Variants in APEX1 observed in about 807,000 individuals in gnomAD.
APEX1 encodes the protein apurinic/apyrimidinic endodeoxyribonuclease 1, also known as DNA repair nuclease/redox regulator APEX1.
A neutral mutation model predicts 33.2 loss-of-function variants in APEX1; 32 were observed. The ratio of observed to expected loss-of-function variants is 0.96; its 90% CI spans 0.73 to 1.29. The LOEUF is 1.29. Ranked by LOEUF, APEX1 falls within the 50% of genes most tolerant of loss-of-function variation. APEX1 has a pLI of 0.00. For synonymous variants in APEX1, 175 were observed against 156.6 expected, an observed-to-expected ratio of 1.12 and a Z score of -0.88; for missense variants, 442 against 395.6, an observed-to-expected ratio of 1.12 and a Z score of -0.99.
rs919072781 is a variant in APEX1 at position 20,456,918 on chromosome 14, A to C, written c.439+58A>C. The C allele has an allele frequency of 2.0e-5, 32 of 1,603,694 alleles. 1 individual carries two copies. The South Asian group carries it at 2.3e-4, about 12-fold the overall frequency. ...CTTCAAAACCAATTGCTAATTCTCT[A>C]TCTCTGCCCCACCTCTTGATTGCTT... On this transcript the variant is annotated intron_variant, in intron 4 of 4. Coordinates refer to ENST00000216714, the MANE Select transcript of APEX1 (RefSeq NM_001641.4).
At chr14:20,456,273 C>T (rs1483807205) in intron 3 of APEX1, among the ~76,000 whole-genome samples, 172 bp downstream of exon 3, 3 of 152,198 alleles carry the variant, frequency 2.0e-5, no homozygotes, top group African/African-American at 4.8e-5. Context: ...TGTTCCTTCA[C>T]TTCCATTGCC....
chr14:20,456,115 G>C lies in APEX1; in HGVS notation c.246+14G>C, dbSNP rs199597660. 9 of 1,613,160 alleles carry C rather than the reference G, an allele frequency of 5.6e-6. No homozygotes were observed. The African/African-American group carries it at 6.7e-5, about 12-fold the overall frequency. On this transcript the variant is annotated intron_variant, in intron 3 of 4. Coordinates refer to ENST00000216714, the MANE Select transcript of APEX1 (RefSeq NM_001641.4). ...AAAGGATTAGATGTGAGTGGAATTT[G>C]AGGGAAAGAGACATTTTTTAGTATT...
chr14:20,457,634 G>T lies in APEX1; in HGVS notation c.*126G>T, dbSNP rs573714948. The T allele has an allele frequency of 6.6e-6, 9 of 1,366,862 alleles. No homozygotes were observed. Among genetic ancestry groups the T allele is most frequent in the Non-Finnish European group, 8.2e-6 (8 of 971,204 alleles). 84.7% of individuals were successfully genotyped at this position (1,366,862 alleles called of 1,614,324 possible). ...ATAAAACTAGGAATCCTCCAACCAG[G>T]CTCCTGTGATAGAGTTCTTTTAAGC... On this transcript the variant is annotated 3_prime_UTR_variant, in exon 5 of 5. Transcript: ENST00000216714.
Position 20,456,865 on chromosome 14 carries a change from G to T in APEX1, c.439+5G>T. 1 of 1,613,296 alleles carries T rather than the reference G, an allele frequency of 6.2e-7. No homozygotes were observed. Among genetic ancestry groups the T allele is most frequent in the South Asian group, 1.1e-5 (1 of 90,934 alleles). ...TCAAAGTTTCTTACGGCATAGGTGA[G>T]ACCCTATTGATGCCTAATGCCTGAA... On this transcript the variant is annotated splice_donor_5th_base_variant and intron_variant, in intron 4 of 4. Coordinates refer to ENST00000216714, the MANE Select transcript of APEX1 (RefSeq NM_001641.4).
At position 20,457,629 on chromosome 14, in the gene APEX1, A is replaced by C; in HGVS notation, c.*121A>C. ...CATGTATAAAACTAGGAATCCTCCA[A>C]CCAGGCTCCTGTGATAGAGTTCTTT... is the stretch of plus-strand genomic sequence containing the variant. On this transcript the variant is annotated 3_prime_UTR_variant, in exon 5 of 5. Coordinates refer to ENST00000216714, the MANE Select transcript of APEX1 (RefSeq NM_001641.4). The C allele has an allele frequency of 7.2e-7, 1 of 1,383,962 alleles. No individual in the cohort carries two copies. The allele number at this position is 1,383,962 out of a possible 1,614,324, so 85.7% of individuals were successfully genotyped here.
chr14:20,457,084 G>T lies in APEX1; in HGVS notation c.533G>T (p.Gly178Val). ...VTAYVPNAGR[G>V]LVRLEYRQRW... ...GCATATGTACCTAATGCAGGCCGAG[G>T]TCTGGTACGACTGGAGTACCGGCAG... Residue 178 changes from glycine (G) to valine (V), a missense_variant, in exon 5 of 5, where the codon GGT becomes GTT. Gly to Val is a moderately radical substitution (Grantham distance 109). Coordinates refer to ENST00000216714, the MANE Select transcript of APEX1 (RefSeq NM_001641.4). 1 of 1,614,220 alleles carries T rather than the reference G, an allele frequency of 6.2e-7. No homozygotes were observed. The highest frequency in any genetic ancestry group is 1.1e-5 in the South Asian group (1 of 91,086).
chr14:20,457,436 G>A lies in APEX1; in HGVS notation c.885G>A (p.Leu295=). The stretch of plus-strand genomic sequence containing the variant: ...TGTCCCACTCTCTGTTACCTGCATT[G>A]TGTGACAGCAAGATCCGTTCCAAGG... The part of the protein sequence containing the change: ...FLLSHSLLPA[L]CDSKIRSKAL... The change falls in exon 5 of 5, where the codon TTG becomes TTA. Residue 295 remains leucine, a synonymous_variant. Coordinates refer to ENST00000216714, the MANE Select transcript of APEX1 (RefSeq NM_001641.4). 5.6e-6 allele frequency: 9 copies of A among 1,614,160 alleles called. No homozygotes were observed. The highest frequency in any genetic ancestry group is 7.6e-6 in the Non-Finnish European group (9 of 1,180,032).
In APEX1 at chr14:20,456,999, G is replaced by C. The variant is rs376277634; in HGVS notation, c.448G>C (p.Glu150Gln). Residue 150 changes from glutamate (E) to glutamine (Q), a missense_variant, in exon 5 of 5, where the codon GAG becomes CAG. Physicochemically the swap from Glu to Gln is conservative, Grantham distance 29. Transcript: ENST00000216714. ...CTGTTTCATTTCTATAGGCGATGAG[G>C]AGCATGATCAGGAAGGCCGGGTGAT... ...LKVSYGIGDE[E>Q]HDQEGRVIVA... 3 of 1,613,832 alleles carry C rather than the reference G, an allele frequency of 1.9e-6. No homozygotes were observed. Among genetic ancestry groups the C allele is most frequent in the African/African-American group, 2.7e-5 (2 of 74,938 alleles).
In APEX1 at chr14:20,457,326, A is replaced by T; in HGVS notation, c.775A>T (p.Asn259Tyr). The T allele has an allele frequency of 2.5e-6, 4 of 1,614,196 alleles. No individual in the cohort carries two copies. The highest frequency in any genetic ancestry group is 3.4e-6 in the Non-Finnish European group (4 of 1,180,022). ...TGACAGCTTTAGGCACCTCTACCCC[A>T]ACACACCCTATGCCTACACCTTTTG... ...LADSFRHLYP[N>Y]TPYAYTFWTY... The change falls in exon 5 of 5, where the codon AAC becomes TAC. Residue 259 changes from asparagine (N) to tyrosine (Y), a missense_variant. Transcript: ENST00000216714.
In APEX1 at chr14:20,456,685, C is replaced by G; in HGVS notation, c.264C>G (p.Ala88=). 1 of 1,614,126 alleles carries G rather than the reference C, an allele frequency of 6.2e-7. No individual in the cohort carries two copies. Among genetic ancestry groups the G allele is most frequent in the Non-Finnish European group, 8.5e-7 (1 of 1,180,006 alleles). Residue 88 remains alanine (A), a synonymous_variant, in exon 4 of 5, where the codon GCC becomes GCG. Coordinates refer to ENST00000216714, the MANE Select transcript of APEX1 (RefSeq NM_001641.4). ...KKGLDWVKEE[A]PDILCLQETK... is the part of the protein sequence containing the mutation. Reference sequence around the variant, plus strand: ...ACTTACAGTGGGTAAAGGAAGAAGCCCCAGATATACTGTGCCTTCAAGAGA... The same window carrying G: ...ACTTACAGTGGGTAAAGGAAGAAGCGCCAGATATACTGTGCCTTCAAGAGA...
Position 20,457,055 on chromosome 14 carries a change from A to C in APEX1, c.504A>C (p.Val168=), listed in dbSNP as rs769003809. Residue 168 remains valine (V), a synonymous_variant, in exon 5 of 5, where the codon GTA becomes GTC. Transcript: ENST00000216714. ...CTGAATTTGACTCGTTTGTGCTGGTAACAGCATATGTACCTAATGCAGGCC... is the reference window on the plus strand; with the variant it reads ...CTGAATTTGACTCGTTTGTGCTGGTCACAGCATATGTACCTAATGCAGGCC... ...IVAEFDSFVL[V]TAYVPNAGRG... is the part of the protein sequence containing the mutation. The C allele has an allele frequency of 6.2e-7, 1 of 1,614,204 alleles. No individual in the cohort carries two copies.
intron 3 of APEX1, 61 bp from the exon 4 acceptor site, chr14:20,456,602 ATAGAT>A (rs1881373638): frequency 4.0e-6 from 6 of 1,488,572 alleles, no homozygotes; most frequent in East Asian, 2.3e-5. Flanking sequence ...GACTTAGCAT[ATAGAT>A]TATTCAATAA....
At position 20,456,754 on chromosome 14, in the gene APEX1, G is replaced by A. The variant is rs1391120258; in HGVS notation, c.333G>A (p.Leu111=). 1 of 1,614,226 alleles carries A rather than the reference G, an allele frequency of 6.2e-7. No homozygotes were observed. Among genetic ancestry groups the A allele is most frequent in the Admixed American group, 1.7e-5 (1 of 60,022 alleles). ...ENKLPAELQE[L]PGLSHQYWSA... is the part of the protein sequence containing the mutation. ...AACTACCAGCTGAACTTCAGGAGCT[G>A]CCTGGACTCTCTCATCAATACTGGT... Residue 111 remains leucine (L), a synonymous_variant, in exon 4 of 5, where the codon CTG becomes CTA. Transcript: ENST00000216714.
At position 20,455,569 on chromosome 14, in the gene APEX1, C is replaced by T. The variant is rs1881280876; in HGVS notation, c.-68-9C>T. On this transcript the variant is annotated splice_polypyrimidine_tract_variant and intron_variant, in intron 1 of 4. Coordinates refer to ENST00000216714, the MANE Select transcript of APEX1 (RefSeq NM_001641.4). ...CTTAGCTGGTTTCATGATTTCTTTG[C>T]GTCTGTAGGCAACGCGGTAAAAATA... The T allele has an allele frequency of 2.4e-5, 38 of 1,609,864 alleles. No homozygotes were observed. Among genetic ancestry groups the T allele is most frequent in the Non-Finnish European group, 3.1e-5 (37 of 1,178,438 alleles).
chr14:20,455,582 C>T lies in APEX1; in HGVS notation c.-64C>T. The stretch of plus-strand genomic sequence containing the variant: ...ATGATTTCTTTGCGTCTGTAGGCAA[C>T]GCGGTAAAAATATTGCTTCGGTGGG... On this transcript the variant is annotated 5_prime_UTR_variant, in exon 2 of 5. It adds an upstream start codon to the 5' untranslated region. Coordinates refer to ENST00000216714, the MANE Select transcript of APEX1 (RefSeq NM_001641.4). 6.2e-7 allele frequency: 1 copy of T among 1,611,890 alleles called. No individual in the cohort carries two copies. The highest frequency in any genetic ancestry group is 8.5e-7 in the Non-Finnish European group (1 of 1,179,784).
chr14:20,455,618 C>T lies in APEX1; in HGVS notation c.-28C>T. On this transcript the variant is annotated 5_prime_UTR_variant, in exon 2 of 5. Coordinates refer to ENST00000216714, the MANE Select transcript of APEX1 (RefSeq NM_001641.4). The stretch of plus-strand genomic sequence containing the variant: ...TATTGCTTCGGTGGGTGACGCGGTA[C>T]AGCTGCCCAAGGGCGTTCGTAACGG... 6.2e-7 allele frequency: 1 copy of T among 1,612,698 alleles called. No individual in the cohort carries two copies. Among genetic ancestry groups the T allele is most frequent in the Non-Finnish European group, 8.5e-7 (1 of 1,180,022 alleles).
chr14:20,456,593 A>C, intron 3 of APEX1, 75 bp from the exon 4 acceptor site: 1 of 1,413,708 alleles, frequency 7.1e-7, no homozygotes, highest in East Asian at 2.3e-5. Context: ...CGTATCTATG[A>C]CTTAGCATAT....
chr14:20,455,812 A>AG, intron 2 of APEX1, 102 bp from the exon 3 acceptor site: 5 of 1,613,742 alleles, frequency 3.1e-6, no homozygotes, highest in Non-Finnish European at 4.2e-6. Context: ...GGGTTTGTGA[A>AG]GAAGTCGCAG....
rs1881480752 is a variant in APEX1 at position 20,457,738 on chromosome 14, T to C, written c.*230T>C. On this transcript the variant is annotated 3_prime_UTR_variant, in exon 5 of 5. Coordinates refer to ENST00000216714, the MANE Select transcript of APEX1 (RefSeq NM_001641.4). The stretch of plus-strand genomic sequence containing the variant: ...ACTACTAATGACTTTGTTTGAATTA[T>C]CCACATGAAAATAAAGAGCCATAGT... The C allele has an allele frequency of 5.0e-6, 3 of 604,536 alleles. No individual in the cohort carries two copies. The East Asian group carries it at 8.9e-5, about 18-fold the overall frequency. The allele number at this position is 604,536 out of a possible 1,614,324, so 37.4% of individuals were successfully genotyped here.
Sources: gnomAD v4.1 joint callset for allele counts (sites outside exome capture counted in the v4.1 genomes callset) on GRCh38, gnomAD v4.1.1 for gene constraint, MANE v1.5 for transcripts, NCBI Gene and HGNC (gene_info 2026-07-23, HGNC 2026-07-21) for gene names.